Variants in PCDH15 observed in about 807,000 individuals in gnomAD.
The protein encoded by PCDH15 is protocadherin-15.
A neutral mutation model predicts 178.5 loss-of-function variants in PCDH15; 129 were observed. The observed-to-expected ratio is 0.72, with a 90% CI of 0.63 to 0.84. The LOEUF is 0.84. Ranked by LOEUF, PCDH15 falls within the 40% of genes least tolerant of loss-of-function variation. The pLI is 0.00. For synonymous variants in PCDH15, 800 were observed against 732.0 expected (o/e 1.09, Z -1.50); for missense variants, 2,230 against 2,099.9 (o/e 1.06, Z -1.21).
chr10:55,255,654 G>A (rs1362383613), intron 1 of PCDH15, among the ~76,000 whole-genome samples: 1 of 152,150 alleles, frequency 6.6e-6, no homozygotes, highest in Non-Finnish European at 1.5e-5. Context: ...TCTAACTGGT[G>A]TGAGATGGTA....
chr10:55,315,980 C>T (rs1388342853), intron 1 of PCDH15, among the ~76,000 whole-genome samples: 1 of 152,208 alleles, frequency 6.6e-6, no homozygotes, highest in Non-Finnish European at 1.5e-5. Context: ...TGCACCATTG[C>T]ATTCCAGCCT....
intron 20 of PCDH15, among the ~76,000 whole-genome samples, chr10:54,017,346 A>G (rs1382083459): frequency 3.3e-5 from 5 of 152,170 alleles, no homozygotes; most frequent in Non-Finnish European, 7.4e-5. Context: ...TGTATTTATC[A>G]AAGTTTTATG....
chr10:54,703,662 A>G (rs1321139431), intron 1 of PCDH15, among the ~76,000 whole-genome samples: 2 of 152,092 alleles, frequency 1.3e-5, no homozygotes, highest in Admixed American at 1.3e-4. Context: ...CTAAAAATAT[A>G]GTTAACCAGG....
At chr10:54,036,309 A>T (rs1476974748) in intron 18 of PCDH15, among the ~76,000 whole-genome samples, 2 of 151,936 alleles carry the variant, frequency 1.3e-5, no homozygotes. Flanking sequence ...GTAACTTAAA[A>T]CAGAGAGGTC....
rs555389584 is a variant in PCDH15 at position 54,778,646 on chromosome 10, G to A, written c.-29+22279C>T. Among the ~76,000 whole-genome samples the A allele has an allele frequency of 4.6e-5, 7 of 152,144 alleles. No homozygotes were observed. In the East Asian group the frequency reaches 1.4e-3, roughly 29 times the overall value. Reference sequence around the variant, plus strand: ...GTAACACTGCATTCTCCTTAAAATTGGGATGTATTCAGGCATATTAATTAT... The same window carrying A: ...GTAACACTGCATTCTCCTTAAAATTAGGATGTATTCAGGCATATTAATTAT... On this transcript the variant is annotated intron_variant, in intron 1 of 37. Transcript: ENST00000644397.
At chr10:54,126,523 C>G (rs1221555230) in intron 15 of PCDH15, among the ~76,000 whole-genome samples, 1 of 151,988 alleles carries the variant, frequency 6.6e-6, no homozygotes, top group Non-Finnish European at 1.5e-5. Flanking sequence ...ATATTCTTGA[C>G]AAGTAATCCT....
chr10:55,594,163 T>C (rs1240060415), intron 2 of PCDH15, among the ~76,000 whole-genome samples: 1 of 151,914 alleles, frequency 6.6e-6, no homozygotes, highest in African/African-American at 2.4e-5. Context: ...TGTGAAAATA[T>C]GTTTCCAGTG....
chr10:54,455,333 A>C (rs185317703), intron 3 of PCDH15, among the ~76,000 whole-genome samples: 107 of 152,298 alleles, frequency 7.0e-4, no homozygotes, highest in African/African-American at 2.4e-3. Context: ...AGGCTGGAAA[A>C]GTTTGGAGGG....
chr10:55,438,361 AT>A (rs1337809237), intron 2 of PCDH15, among the ~76,000 whole-genome samples: 1 of 152,142 alleles, frequency 6.6e-6, no homozygotes, highest in Non-Finnish European at 1.5e-5. Flanking sequence ...CATTTATTAA[AT>A]ATGAAAGTTT....
intron 1 of PCDH15, among the ~76,000 whole-genome samples, chr10:55,268,035 T>C (rs1458125627): frequency 6.6e-6 from 1 of 152,224 alleles, no homozygotes; most frequent in African/African-American, 2.4e-5. Flanking sequence ...CGTATTGTTG[T>C]CGTGCACTGA....
At chr10:55,415,779 G>A (rs1456948911) in intron 2 of PCDH15, among the ~76,000 whole-genome samples, 11 of 151,634 alleles carry the variant, frequency 7.3e-5, no homozygotes, top group Admixed American at 6.6e-4. Context: ...TTGTGTTTGG[G>A]ATTTTGGCTT....
chr10:55,196,921 T>C (rs1248018601), intron 1 of PCDH15, among the ~76,000 whole-genome samples: 1 of 152,008 alleles, frequency 6.6e-6, no homozygotes, highest in African/African-American at 2.4e-5. Context: ...ATGGTTATAT[T>C]GGAGAAAGAA....
chr10:55,238,244 G>A (rs1486897511), intron 1 of PCDH15, among the ~76,000 whole-genome samples: 1 of 148,940 alleles, frequency 6.7e-6, no homozygotes, highest in Admixed American at 6.8e-5. Context: ...CTGCCTCCCA[G>A]GTTCACGCCA....
At chr10:54,191,157 G>T (rs1389239571) in intron 11 of PCDH15, among the ~76,000 whole-genome samples, 1 of 152,160 alleles carries the variant, frequency 6.6e-6, no homozygotes, top group African/African-American at 2.4e-5. Flanking sequence ...CCTATTAAGT[G>T]CTGGAAACTG....
intron 32 of PCDH15, chr10:53,821,383 C>A: frequency 1.0e-6 from 1 of 994,244 alleles, no homozygotes; most frequent in Non-Finnish European, 1.2e-6. Flanking sequence ...GGTAGTATTT[C>A]TTCTTACCAA....
At chr10:54,299,200 G>C (rs1182940599) in intron 8 of PCDH15, among the ~76,000 whole-genome samples, 1 of 150,016 alleles carries the variant, frequency 6.7e-6, no homozygotes, top group African/African-American at 2.4e-5. Flanking sequence ...AGACAAAGAG[G>C]AGGAGACAGA....
chr10:54,421,138 A>G (rs1955231877), intron 3 of PCDH15, among the ~76,000 whole-genome samples: 1 of 152,118 alleles, frequency 6.6e-6, no homozygotes, highest in Admixed American at 6.6e-5. Flanking sequence ...ATTTGCAGCA[A>G]TTATTAGTGA....
chr10:54,692,172 T>A (rs1159228853), intron 1 of PCDH15, among the ~76,000 whole-genome samples: 4 of 152,170 alleles, frequency 2.6e-5, no homozygotes, highest in African/African-American at 9.7e-5. Context: ...CTACATACAC[T>A]GAACTGAAAT....
At chr10:54,520,077 G>A (rs889336176) in intron 3 of PCDH15, among the ~76,000 whole-genome samples, 20 of 152,270 alleles carry the variant, frequency 1.3e-4, no homozygotes, top group Middle Eastern at 3.4e-3. Flanking sequence ...ATGGATTAAA[G>A]ACTTATATGT....
Sources: gnomAD v4.1 joint callset for allele counts (sites outside exome capture counted in the v4.1 genomes callset) on GRCh38, gnomAD v4.1.1 for gene constraint, MANE v1.5 for transcripts, NCBI Gene and HGNC (gene_info 2026-07-23, HGNC 2026-07-21) for gene names.